GYS1: variants seen among roughly 807,000 people sequenced by gnomAD.
GYS1 encodes the protein glycogen [starch] synthase, muscle.
A neutral mutation model predicts 89.1 loss-of-function variants in GYS1; 60 were observed. The ratio of observed to expected loss-of-function variants is 0.67; its 90% CI spans 0.55 to 0.84. The LOEUF (loss-of-function observed/expected upper bound fraction) is 0.84. Ranked by LOEUF, GYS1 falls within the 40% of genes least tolerant of loss-of-function variation. The pLI is 0.00. For missense variants in GYS1, 888 were observed against 1,003.1 expected (o/e 0.89, Z 1.55); for synonymous variants, 366 against 401.7 (o/e 0.91, Z 1.06).
chr19:48,969,841 C>G lies in GYS1; in HGVS notation c.1824G>C (p.Ala608=), dbSNP rs759994490. The change falls in exon 15 of 16, where the codon GCG becomes GCC. Residue 608 remains alanine, a synonymous_variant. Coordinates refer to ENST00000323798, the MANE Select transcript of GYS1 (RefSeq NM_002103.5). ...WKYLGRYYMS[A]RHMALSKAFP... is the part of the protein sequence containing the mutation. ...AGGCCTTGGACAGCGCCATGTGGCGCGCAGACATATAGTACTAGGGGAAAG... is the reference window on the plus strand; with the variant it reads ...AGGCCTTGGACAGCGCCATGTGGCGGGCAGACATATAGTACTAGGGGAAAG... The G allele has an allele frequency of 8.7e-6, 14 of 1,613,482 alleles. No individual in the cohort carries two copies. The South Asian group carries it at 1.2e-4, about 14-fold the overall frequency.
intron 8 of GYS1, among the ~76,000 whole-genome samples, chr19:48,979,258 C>T (rs2038708503): frequency 6.6e-6 from 1 of 151,512 alleles, no homozygotes; most frequent in South Asian, 2.1e-4. Flanking sequence ...GCCCCACGGT[C>T]ACTCCTCCAC....
At chr19:48,983,778 C>T (rs2038800573) in intron 5 of GYS1, among the ~76,000 whole-genome samples, 1 of 152,168 alleles carries the variant, frequency 6.6e-6, no homozygotes, top group African/African-American at 2.4e-5. Context: ...CTTCCATTCC[C>T]TTTCATAAGA....
intron 12 of GYS1, among the ~76,000 whole-genome samples, chr19:48,972,667 T>C (rs975306822): frequency 2.5e-4 from 35 of 139,640 alleles, no homozygotes; most frequent in African/African-American, 9.4e-4. Context: ...GTAGTAGAGA[T>C]AGGGTTTCAC....
intron 5 of GYS1, among the ~76,000 whole-genome samples, 188 bp from the exon 6 acceptor site, chr19:48,983,025 C>T (rs142566902): frequency 2.0e-4 from 30 of 152,248 alleles, no homozygotes; most frequent in African/African-American, 7.0e-4. Context: ...TTCTCTCTGT[C>T]GCTCAGGCTG....
In GYS1 at chr19:48,968,251, G is replaced by A. The variant is rs1199120391; in HGVS notation, c.*1037C>T. 5 of 454,310 alleles carry A rather than the reference G, an allele frequency of 1.1e-5. No individual in the cohort carries two copies. The highest frequency in any genetic ancestry group is 9.4e-5 in the Admixed American group (4 of 42,574). 28.1% of individuals were successfully genotyped at this position (454,310 alleles called of 1,614,324 possible). ...AGACACAGCACAGCACACATGAGGG[G>A]CCCTCCCTTTCACCAAAGCTGAAGG... On this transcript the variant is annotated 3_prime_UTR_variant, in exon 16 of 16. Transcript: ENST00000323798.
chr19:48,979,927 G>GT (rs1321210439), intron 8 of GYS1, among the ~76,000 whole-genome samples: 1 of 152,032 alleles, frequency 6.6e-6, no homozygotes, highest in Non-Finnish European at 1.5e-5. Context: ...GATTACAGGT[G>GT]TGAGCCACCA....
intron 8 of GYS1, among the ~76,000 whole-genome samples, chr19:48,978,530 T>TTTATTATTATTATTATTATTATTATTA (rs71294392): frequency 6.1e-5 from 9 of 146,650 alleles, no homozygotes; most frequent in East Asian, 2.1e-4. Flanking sequence ...CAGCAGTTTA[T>TTTATTATTATTATTATTATTATTATTA]TTATTATTAT....
In GYS1 at chr19:48,969,030, A is replaced by C; in HGVS notation, c.*258T>G. 4.6e-6 allele frequency: 3 copies of C among 653,880 alleles called. No homozygotes were observed. Among genetic ancestry groups the C allele is most frequent in the Non-Finnish European group, 8.4e-6 (3 of 357,932 alleles). 40.5% of individuals were successfully genotyped at this position (653,880 alleles called of 1,614,324 possible). On this transcript the variant is annotated 3_prime_UTR_variant, in exon 16 of 16. Coordinates refer to ENST00000323798, the MANE Select transcript of GYS1 (RefSeq NM_002103.5). ...AATGGCAGATTCCTGGCCTCTGGGA[A>C]GCGGTCCAGGCCCAGGGGACTCCAG...
intron 5 of GYS1, among the ~76,000 whole-genome samples, chr19:48,984,542 C>T (rs1027549402): frequency 5.3e-5 from 8 of 151,238 alleles, no homozygotes; most frequent in Admixed American, 4.0e-4. Flanking sequence ...ATTACAGGCA[C>T]CCACCACCAC....
rs550203145 is a variant in GYS1 at position 48,981,374 on chromosome 19, C to T, written c.1169+156G>A. On this transcript the variant is annotated intron_variant, in intron 8 of 15. Transcript: ENST00000323798. ...GTTGCAGTGAGCCAAGATCGCACCA[C>T]TACACTCCAGCCTGGGCGACAGAGT... is the stretch of plus-strand genomic sequence containing the variant. 4.1e-5 allele frequency: 27 copies of T among 660,702 alleles called. 1 individual carries two copies. The South Asian group carries it at 4.4e-4, about 11-fold the overall frequency. 40.9% of individuals were successfully genotyped at this position (660,702 alleles called of 1,614,324 possible).
In GYS1 at chr19:48,974,742, G is replaced by A. The variant is rs376077178; in HGVS notation, c.1309-9C>T. On this transcript the variant is annotated splice_polypyrimidine_tract_variant and intron_variant, in intron 10 of 15. Coordinates refer to ENST00000323798, the MANE Select transcript of GYS1 (RefSeq NM_002103.5). The stretch of plus-strand genomic sequence containing the variant: ...GGGGGGAAAGACTGCCGCTGCAGGA[G>A]CCACAAGAAGGGTAAGGGGTCATGG... 1.9e-6 allele frequency: 3 copies of A among 1,578,134 alleles called. No homozygotes were observed. The highest frequency in any genetic ancestry group is 2.6e-6 in the Non-Finnish European group (3 of 1,147,706).
chr19:48,971,086 T>A, intron 12 of GYS1, 63 bp from the exon 13 acceptor site: 1 of 1,139,626 alleles, frequency 8.8e-7, no homozygotes, highest in Admixed American at 1.7e-5. Flanking sequence ...TTAATCGCAA[T>A]AGACGCCTCA....
chr19:48,992,870 A>ACACAGGAGT lies in GYS1; in HGVS notation c.118+124_118+125insACTCCTGTG, dbSNP rs558772830. ...CCGGCTTCCCAGCCCCTCCTCAAGG[A>ACACAGGAGT]CACAGCCTCCTTGCCCAGGTCACAA... On this transcript the variant is annotated intron_variant, in intron 1 of 15. Transcript: ENST00000323798. 2.5e-3 allele frequency: 1,795 copies of ACACAGGAGT among 720,456 alleles called. 32 individuals are homozygous for ACACAGGAGT. In the African/African-American group the frequency reaches 0.028, roughly 11 times the overall value. The allele number at this position is 720,456 out of a possible 1,614,324, so 44.6% of individuals were successfully genotyped here. A position where few individuals can be genotyped will look rare whatever the true frequency, so the allele number is the denominator to read the frequency against.
intron 10 of GYS1, among the ~76,000 whole-genome samples, chr19:48,977,105 T>TG (rs1241685530): frequency 6.7e-6 from 1 of 149,722 alleles, no homozygotes; most frequent in Non-Finnish European, 1.5e-5. Context: ...GACTTTCTTT[T>TG]GGGGGTGGGT....
At chr19:48,978,674 G>A (rs2038700200) in intron 8 of GYS1, among the ~76,000 whole-genome samples, 1 of 151,808 alleles carries the variant, frequency 6.6e-6, no homozygotes, top group Non-Finnish European at 1.5e-5. Flanking sequence ...CGGGATTACA[G>A]GCACCTGCCA....
intron 8 of GYS1, among the ~76,000 whole-genome samples, chr19:48,980,074 C>T (rs776373587): frequency 2.6e-5 from 4 of 152,150 alleles, no homozygotes; most frequent in Admixed American, 6.5e-5. Flanking sequence ...GTAGCTGGCA[C>T]TACAGGTGCC....
Position 48,974,261 on chromosome 19 carries a change from G to A in GYS1, c.1501C>T (p.His501Tyr), listed in dbSNP as rs2038610539. Reference sequence around the variant, plus strand: ...TAGTAGGAGGGGAAGACTCCAAGGTGACAGCCACGGACAAACTCCTCATAG... The same window carrying A: ...TAGTAGGAGGGGAAGACTCCAAGGTAACAGCCACGGACAAACTCCTCATAG... ...VDYEEFVRGC[H>Y]LGVFPSYYEP... Residue 501 changes from histidine to tyrosine, a missense_variant, in exon 12 of 16, where the codon CAC becomes TAC. His to Tyr is a moderately conservative substitution (Grantham distance 83). Transcript: ENST00000323798. 1.9e-6 allele frequency: 3 copies of A among 1,613,352 alleles called. No homozygotes were observed. Among genetic ancestry groups the A allele is most frequent in the African/African-American group, 1.3e-5 (1 of 74,910 alleles).
At chr19:48,974,537 A>G (rs1390201092) in intron 11 of GYS1, 83 bp downstream of exon 11, 2 of 1,074,042 alleles carry the variant, frequency 1.9e-6, no homozygotes, top group Non-Finnish European at 2.9e-6. Context: ...GATAAAACTT[A>G]TAGGGGAATG....
Position 48,968,784 on chromosome 19 carries a change from TCA to T in GYS1, c.*502_*503del, listed in dbSNP as rs1304124411. ...AGTTGAAATGGAGGACCATCTGCTCTCAGTTACCTTCAAACTCTGAAAGTGCC... is the reference window on the plus strand; with the variant it reads ...AGTTGAAATGGAGGACCATCTGCTCTGTTACCTTCAAACTCTGAAAGTGCC... On this transcript the variant is annotated 3_prime_UTR_variant, in exon 16 of 16. Coordinates refer to ENST00000323798, the MANE Select transcript of GYS1 (RefSeq NM_002103.5). 2.2e-6 allele frequency: 1 copy of T among 454,610 alleles called. No homozygotes were observed. Among genetic ancestry groups the T allele is most frequent in the Non-Finnish European group, 4.4e-6 (1 of 227,122 alleles). 28.2% of individuals were successfully genotyped at this position (454,610 alleles called of 1,614,324 possible).
Sources: allele counts gnomAD v4.1 joint callset (sites outside exome capture counted in the v4.1 genomes callset), GRCh38; gene constraint gnomAD v4.1.1; transcripts MANE v1.5; gene names NCBI Gene and HGNC (gene_info 2026-07-23, HGNC 2026-07-21).